Variants in SGSH observed in about 807,000 individuals in gnomAD.
SGSH encodes the protein N-sulfoglucosamine sulfohydrolase.
Under a neutral mutation model 51.0 loss-of-function variants are expected in SGSH, and 48 were observed. The ratio of observed to expected loss-of-function variants is 0.94; its 90% CI spans 0.75 to 1.20. The LOEUF (loss-of-function observed/expected upper bound fraction) is 1.20, where lower values mean the gene tolerates loss of function less well. Among genes scored for constraint, SGSH ranks in the 50% most tolerant of loss-of-function variants. SGSH has a pLI of 0.00. For synonymous variants in SGSH, 321 were observed against 313.4 expected (o/e 1.02, Z -0.26); for missense variants, 662 against 717.8 (o/e 0.92, Z 0.89).
chr17:80,214,912 C>G (rs2041830327), intron 3 of SGSH, 121 bp downstream of exon 3: 1 of 1,304,268 alleles, frequency 7.7e-7, no homozygotes, highest in Admixed American at 1.9e-5. Context: ...TCCTTTGGGA[C>G]AAGAGCTAAG....
chr17:80,202,427 A>G, downstream of SGSH: 1 of 1,607,754 alleles, frequency 6.2e-7, no homozygotes, highest in African/African-American at 1.3e-5. Context: ...CCAGGTGAGC[A>G]GCTGCCTCGA....
At chr17:80,220,205 G>A in intron 1 of SGSH, 21 bp downstream of exon 1, 1 of 1,503,006 alleles carries the variant, frequency 6.7e-7, no homozygotes, top group Non-Finnish European at 8.9e-7. Flanking sequence ...GTGGGCGTGG[G>A]GGGGCGGCGC....
downstream of SGSH, chr17:80,203,831 G>A: frequency 6.3e-7 from 1 of 1,581,128 alleles, no homozygotes; most frequent in Non-Finnish European, 8.6e-7. The surrounding 1 kb of genome is among the most constrained non-coding windows in gnomAD (Gnocchi z 4.6). Context: ...GGGCTCAGCA[G>A]CAGCTCATAG....
Position 80,213,686 on chromosome 17 carries a change from C to T in SGSH, c.745+118G>A. On this transcript the variant is annotated intron_variant, in intron 6 of 7. Coordinates refer to ENST00000326317, the MANE Select transcript of SGSH (RefSeq NM_000199.5). This position sits in a 1 kb window ranked among gnomAD's most constrained non-coding sequence, Gnocchi z 4.6. ...AATGTGGGCTCTGCCAGCTGCAGCACAGGGCCTGCCACACTGGGACCCTCA... is the reference window on the plus strand; with the variant it reads ...AATGTGGGCTCTGCCAGCTGCAGCATAGGGCCTGCCACACTGGGACCCTCA... 1.1e-6 allele frequency: 1 copy of T among 920,984 alleles called. No homozygotes were observed. The highest frequency in any genetic ancestry group is 1.7e-6 in the Non-Finnish European group (1 of 592,620). The allele number at this position is 920,984 out of a possible 1,614,324, so 57.1% of individuals were successfully genotyped here.
downstream of SGSH, chr17:80,202,741 G>C: frequency 3.7e-6 from 2 of 539,690 alleles, no homozygotes; most frequent in Non-Finnish European, 5.5e-6. Flanking sequence ...GCAGGATATA[G>C]AGCAGCATCC....
At position 80,213,809 on chromosome 17, in the gene SGSH, TC is replaced by T; in HGVS notation, c.739del (p.Asp247ThrfsTer17). The T allele has an allele frequency of 6.2e-7, 1 of 1,601,994 alleles. No individual in the cohort carries two copies. On this transcript the variant is annotated frameshift_variant, in exon 6 of 8. Transcript: ENST00000326317. LOFTEE classifies it high-confidence loss of function. This position sits in a 1 kb window ranked among gnomAD's most constrained non-coding sequence, Gnocchi z 4.6. ...AAQYTTVGRM[D>X]QGVGLVLQEL... Reference sequence around the variant, plus strand: ...GCCCGGTTCTGCAAGCCCACCTTGGTCCATGCGGCCGACGGTGGTGTACTGA... The same window carrying T: ...GCCCGGTTCTGCAAGCCCACCTTGGTCATGCGGCCGACGGTGGTGTACTGA...
downstream of SGSH, chr17:80,202,477 C>G (rs922885202): frequency 6.3e-7 from 1 of 1,580,106 alleles, no homozygotes; most frequent in Non-Finnish European, 8.6e-7. Context: ...GGAAATGGCA[C>G]CCAGCCTGCC....
Position 80,220,267 on chromosome 17 carries a change from C to A in SGSH, c.47G>T (p.Gly16Val). The A allele has an allele frequency of 6.6e-7, 1 of 1,522,744 alleles. No homozygotes were observed. Among genetic ancestry groups the A allele is most frequent in the African/African-American group, 1.4e-5 (1 of 71,474 alleles). The allele number at this position is 1,522,744 out of a possible 1,614,324, so 94.3% of individuals were successfully genotyped here. A position where few individuals can be genotyped will look rare whatever the true frequency, so the allele number is the denominator to read the frequency against. The change falls in exon 1 of 8, where the codon GGG becomes GTG. Residue 16 changes from glycine (G) to valine (V), a missense_variant. Gly to Val is a moderately radical substitution (Grantham distance 109, BLOSUM62 -3). Coordinates refer to ENST00000326317, the MANE Select transcript of SGSH (RefSeq NM_000199.5). ...PACCALLLVLGLCRARPRNAL... is the reference protein window; with the variant it reads ...PACCALLLVLVLCRARPRNAL... Reference sequence around the variant, plus strand: ...GTTCCGGGGACGCGCCCGGCAGAGCCCCAGGACTAGCAGCAGCGCGCAGCA... The same window carrying A: ...GTTCCGGGGACGCGCCCGGCAGAGCACCAGGACTAGCAGCAGCGCGCAGCA...
In SGSH at chr17:80,209,550, G is replaced by C; in HGVS notation, c.*902C>G. 1.0e-6 allele frequency: 1 copy of C among 985,218 alleles called. No homozygotes were observed. Among genetic ancestry groups the C allele is most frequent in the Non-Finnish European group, 1.2e-6 (1 of 829,942 alleles). 61.0% of individuals were successfully genotyped at this position (985,218 alleles called of 1,614,324 possible). A position where few individuals can be genotyped will look rare whatever the true frequency, so the allele number is the denominator to read the frequency against. On this transcript the variant is annotated 3_prime_UTR_variant, in exon 8 of 8. Transcript: ENST00000326317. ...GTCATCCAAGAATTAACCCAAGCCA[G>C]AGGACGGGCATCGCCACCCAGCAAC...
At position 80,210,406 on chromosome 17, in the gene SGSH, G is replaced by T; in HGVS notation, c.*46C>A. The stretch of plus-strand genomic sequence containing the variant: ...CCGGCCACACGGACACGTGTGGGAT[G>T]TGTCTGGGACATGCCTGGGATGTGT... On this transcript the variant is annotated 3_prime_UTR_variant, in exon 8 of 8. Transcript: ENST00000326317. The T allele has an allele frequency of 6.5e-7, 1 of 1,538,124 alleles. No individual in the cohort carries two copies. The highest frequency in any genetic ancestry group is 8.7e-7 in the Non-Finnish European group (1 of 1,145,564).
downstream of SGSH, chr17:80,202,471 A>G (rs368293165): frequency 5.7e-6 from 9 of 1,587,108 alleles, no homozygotes; most frequent in Non-Finnish European, 6.9e-6. Flanking sequence ...CCACAGGGAA[A>G]TGGCACCCAG....
downstream of SGSH, chr17:80,201,977 C>CA: frequency 7.0e-7 from 1 of 1,426,408 alleles, no homozygotes; most frequent in Admixed American, 2.2e-5. The surrounding 1 kb of genome is among the most constrained non-coding windows in gnomAD (Gnocchi z 5.0). Flanking sequence ...CCCCCAGAGC[C>CA]AAGAGAGGAT....
Position 80,210,579 on chromosome 17 carries a change from A to G in SGSH, c.1382T>C (p.Leu461Pro). ...GGCCAGCTGGTCCCGAAGCATCTCCAGAAGCTGAGCAAAGCGCGGGTCGGT... is the reference window on the plus strand; with the variant it reads ...GGCCAGCTGGTCCCGAAGCATCTCCGGAAGCTGAGCAAAGCGCGGGTCGGT... ...LATDPRFAQL[L>P]EMLRDQLAKW... Residue 461 changes from leucine to proline, a missense_variant, in exon 8 of 8, where the codon CTG (leucine) becomes CCG (proline). By Grantham distance (98) the Leu-to-Pro change is moderately conservative. Transcript: ENST00000326317. 6.2e-7 allele frequency: 1 copy of G among 1,613,282 alleles called. No homozygotes were observed. The highest frequency in any genetic ancestry group is 8.5e-7 in the Non-Finnish European group (1 of 1,179,910).
intron 2 of SGSH, 144 bp downstream of exon 2, chr17:80,216,888 G>T: frequency 1.3e-6 from 1 of 792,898 alleles, no homozygotes; most frequent in Non-Finnish European, 2.0e-6. Flanking sequence ...CACAGCCATA[G>T]GCTGTGCCTC....
At chr17:80,207,204 G>A, downstream of SGSH, 1 of 653,938 alleles carries the variant, frequency 1.5e-6, no homozygotes, top group Non-Finnish European at 2.6e-6. Context: ...GGCGCTGACA[G>A]GGCCGTTTCC....
At chr17:80,200,721 A>G in the SGSH span, 1 of 153,826 alleles carries the variant, frequency 6.5e-6, no homozygotes, top group African/African-American at 2.4e-5. Flanking sequence ...ATATGTAATG[A>G]AAGAATCATA....
chr17:80,205,435 C>G (rs1305653830), downstream of SGSH: 1 of 1,485,328 alleles, frequency 6.7e-7, no homozygotes, highest in Non-Finnish European at 9.1e-7. Context: ...TCTCCCAGTG[C>G]TGGCAGGGTT....
downstream of SGSH, chr17:80,208,324 G>T: frequency 6.2e-7 from 1 of 1,603,024 alleles, no homozygotes; most frequent in Admixed American, 1.7e-5. Context: ...AGGTGGTGTG[G>T]ACGGAGCAGA....
intron 2 of SGSH, among the ~76,000 whole-genome samples, chr17:80,215,784 A>C (rs1186967838): frequency 2.0e-5 from 3 of 152,144 alleles, no homozygotes; most frequent in African/African-American, 4.8e-5. Flanking sequence ...ACACCACTGC[A>C]CTCCAGCCTG....
Sources: allele counts gnomAD v4.1 joint callset (sites outside exome capture counted in the v4.1 genomes callset), GRCh38; gene constraint gnomAD v4.1.1; non-coding constraint Gnocchi (gnomAD v3.1); transcripts MANE v1.5; gene names NCBI Gene and HGNC (gene_info 2026-07-23, HGNC 2026-07-21).